Variants in LHPP observed in about 807,000 individuals in gnomAD.
LHPP encodes the protein phospholysine phosphohistidine inorganic pyrophosphate phosphatase, also known as hLHPP.
LHPP carries 24 observed loss-of-function variants against 30.3 expected under a neutral mutation model. That is an observed-to-expected ratio of 0.79 (90% confidence interval 0.57 to 1.11). The LOEUF is 1.11. LHPP is among the 50% of genes most tolerant of loss of function. LHPP has a pLI of 0.00. For missense variants in LHPP, 356 were observed against 367.2 expected, an observed-to-expected ratio of 0.97 and a Z score of 0.25; for synonymous variants, 150 against 157.1, an observed-to-expected ratio of 0.95 and a Z score of 0.34.
intron 6 of LHPP, among the ~76,000 whole-genome samples, chr10:124,544,291 C>G (rs996956154): frequency 3.9e-5 from 6 of 152,268 alleles, no homozygotes; most frequent in African/African-American, 1.4e-4. Context: ...GAAGACCTCC[C>G]CTCTCTGGAA....
chr10:124,604,125 C>T (rs571436176), intron 6 of LHPP, among the ~76,000 whole-genome samples: 11 of 152,352 alleles, frequency 7.2e-5, no homozygotes, highest in South Asian at 2.1e-4. Context: ...GTAAGCAGCA[C>T]GACATGGCAC....
At chr10:124,579,333 A>ACTAT (rs993265286) in intron 6 of LHPP, among the ~76,000 whole-genome samples, 1 of 152,188 alleles carries the variant, frequency 6.6e-6, no homozygotes, top group African/African-American at 2.4e-5. Context: ...TTTCCCCTCA[A>ACTAT]CTATATTCGC....
chr10:124,488,337 T>C, intron 2 of LHPP, 85 bp from the exon 3 acceptor site: 1 of 1,228,342 alleles, frequency 8.1e-7, no homozygotes, highest in Non-Finnish European at 1.2e-6. Flanking sequence ...GGAGGACATG[T>C]GAAAGGTGTC....
At chr10:124,504,280 A>C (rs569627063) in intron 5 of LHPP, among the ~76,000 whole-genome samples, 36 of 151,620 alleles carry the variant, frequency 2.4e-4, no homozygotes, top group Non-Finnish European at 4.1e-4. Context: ...ACAAAAACAA[A>C]ACCCTGCCAC....
chr10:124,488,010 A>G (rs997957689), intron 2 of LHPP, among the ~76,000 whole-genome samples: 2 of 152,144 alleles, frequency 1.3e-5, no homozygotes, highest in Admixed American at 1.3e-4. Context: ...AACGGTTCTT[A>G]CAGTTTGGGA....
chr10:124,546,760 C>T (rs956918994), intron 6 of LHPP, among the ~76,000 whole-genome samples: 21 of 152,174 alleles, frequency 1.4e-4, no homozygotes, highest in African/African-American at 4.3e-4. Context: ...GACCCACCTG[C>T]CAGCCTCATC....
At chr10:124,471,417 AT>A (rs1952731618) in intron 1 of LHPP, among the ~76,000 whole-genome samples, 2 of 33,830 alleles carry the variant, frequency 5.9e-5, no homozygotes, top group Non-Finnish European at 1.2e-4. Context: ...ATATTTATAT[AT>A]TATATATATA....
intron 5 of LHPP, among the ~76,000 whole-genome samples, chr10:124,499,126 C>T (rs1184911109): frequency 6.6e-6 from 1 of 151,790 alleles, no homozygotes; most frequent in Non-Finnish European, 1.5e-5. Flanking sequence ...GTTATCTGCC[C>T]GCCTTGGCCT....
chr10:124,484,202 G>T lies in LHPP; in HGVS notation c.189G>T (p.Glu63Asp). The change falls in exon 2 of 7, where the codon GAG (glutamate) becomes GAT (aspartate). Residue 63 changes from glutamate to aspartate, a missense_variant. Transcript: ENST00000368842. ...ACGAGTCGCAGAAGTCCCGGGCAGA[G>T]CTGGTGGGGCAGCTTCAGAGGCTGG... ...CTNESQKSRA[E>D]LVGQLQRLGF... The T allele has an allele frequency of 6.2e-7, 1 of 1,614,138 alleles. No homozygotes were observed. Among genetic ancestry groups the T allele is most frequent in the Non-Finnish European group, 8.5e-7 (1 of 1,180,040 alleles).
intron 6 of LHPP, among the ~76,000 whole-genome samples, chr10:124,560,852 G>A (rs1948384349): frequency 6.7e-6 from 1 of 148,596 alleles, no homozygotes; most frequent in African/African-American, 2.6e-5. Context: ...CTGGCTGCAA[G>A]AGGAGAAAAT....
intron 6 of LHPP, among the ~76,000 whole-genome samples, chr10:124,584,208 A>G (rs1948774580): frequency 4.1e-5 from 1 of 24,218 alleles, no homozygotes; most frequent in Non-Finnish European, 7.5e-5. Flanking sequence ...CCATCTCTGA[A>G]AAAAAAAAAA....
chr10:124,582,777 G>A (rs762559610), intron 6 of LHPP, among the ~76,000 whole-genome samples: 6 of 152,062 alleles, frequency 3.9e-5, no homozygotes, highest in Admixed American at 1.3e-4. Context: ...GGCCGAGGCA[G>A]GTGGATTGCT....
At chr10:124,504,096 G>A (rs1468780316) in intron 5 of LHPP, among the ~76,000 whole-genome samples, 1 of 152,184 alleles carries the variant, frequency 6.6e-6, no homozygotes, top group Non-Finnish European at 1.5e-5. Context: ...GGAGGCTGAG[G>A]TGGGAGAATC....
rs1019370714 is a variant in LHPP at position 124,541,087 on chromosome 10, G to A, written c.716+23816G>A. Among the ~76,000 whole-genome samples, 7 of 152,282 alleles carry A rather than the reference G, an allele frequency of 4.6e-5. No individual in the cohort carries two copies. In the South Asian group the frequency reaches 1.5e-3, roughly 32 times the overall value. ...AAGGGGCCCCCCAAATCACAAAGTG[G>A]CCCTGGGCCCTGGGATGGCCGGAGG... is the stretch of plus-strand genomic sequence containing the variant. On this transcript the variant is annotated intron_variant, in intron 6 of 6. Coordinates refer to ENST00000368842, the MANE Select transcript of LHPP (RefSeq NM_022126.4). The surrounding 1 kb of genome is among the most constrained non-coding windows in gnomAD (Gnocchi z 4.2).
Position 124,593,840 on chromosome 10 carries a change from G to A in LHPP, c.717-19424G>A, listed in dbSNP as rs1948910622. Among the ~76,000 whole-genome samples the A allele has an allele frequency of 6.6e-6, 1 of 152,242 alleles. No individual in the cohort carries two copies. Among genetic ancestry groups the A allele is most frequent in the African/African-American group, 2.4e-5 (1 of 41,464 alleles). ...ACTCCATAAGGTACTGATATGGTCT[G>A]CGGAGCAGGTGGCATTTGCCATGCC... On this transcript the variant is annotated intron_variant, in intron 6 of 6. Coordinates refer to ENST00000368842, the MANE Select transcript of LHPP (RefSeq NM_022126.4). The surrounding 1 kb of genome is among the most constrained non-coding windows in gnomAD (Gnocchi z 4.9).
At chr10:124,468,841 C>T (rs1952638693) in intron 1 of LHPP, among the ~76,000 whole-genome samples, 1 of 152,242 alleles carries the variant, frequency 6.6e-6, no homozygotes, top group Non-Finnish European at 1.5e-5. Context: ...TCCGTACACC[C>T]TCCCTCGCAT....
At chr10:124,484,420 C>T (rs546289814) in intron 2 of LHPP, 94 bp downstream of exon 2, 2 of 1,228,732 alleles carry the variant, frequency 1.6e-6, no homozygotes, top group Admixed American at 4.2e-5. Context: ...TGGGCCAAAC[C>T]ACTGACTGAG....
At chr10:124,546,702 GC>G (rs1405336794) in intron 6 of LHPP, among the ~76,000 whole-genome samples, 1 of 151,994 alleles carries the variant, frequency 6.6e-6, no homozygotes, top group African/African-American at 2.4e-5. Context: ...GAGCCACCGC[GC>G]CCGCCTCATG....
chr10:124,483,368 G>A (rs956514305), intron 1 of LHPP, among the ~76,000 whole-genome samples: 1 of 152,204 alleles, frequency 6.6e-6, no homozygotes, highest in Non-Finnish European at 1.5e-5. Flanking sequence ...GCCAAATGTG[G>A]TGGAAAGGGA....
Sources: allele counts gnomAD v4.1 joint callset (sites outside exome capture counted in the v4.1 genomes callset), GRCh38; gene constraint gnomAD v4.1.1; non-coding constraint Gnocchi (gnomAD v3.1); transcripts MANE v1.5; gene names NCBI Gene and HGNC (gene_info 2026-07-23, HGNC 2026-07-21).